Variants in WWOX observed in about 807,000 individuals in gnomAD.
WWOX encodes the protein WW domain-containing oxidoreductase.
In WWOX, 69 loss-of-function variants were observed where a neutral mutation model predicts 46.2. The ratio of observed to expected loss-of-function variants is 1.49; its 90% confidence interval spans 1.23 to 1.82. The LOEUF is 1.82. WWOX is among the 40% of genes most tolerant of loss of function. The probability of loss-of-function intolerance (pLI) is 0.00; values close to 1 mark genes in which losing one functional copy is unlikely to be tolerated. For missense variants in WWOX, 919 were observed against 542.6 expected (o/e 1.69, Z -6.89); for synonymous variants, 359 against 202.6 (o/e 1.77, Z -6.56).
chr16:79,106,319 G>C (rs1444471702), intron 8 of WWOX, among the ~76,000 whole-genome samples: 1 of 152,130 alleles, frequency 6.6e-6, no homozygotes, highest in African/African-American at 2.4e-5. Context: ...ACTTTTACCT[G>C]TGCTCACTCA....
rs941311575 is a variant in WWOX, at chr16:78,710,498, A to ATATATATATATATATATATT, written c.1056+277747_1056+277748insATATATATATATATATATTT. On this transcript the variant is annotated intron_variant, in intron 8 of 8. Transcript: ENST00000566780. ...CATATATATATATATATATATATAT[A>ATATATATATATATATATATT]TTTATATAAATATATTTTATATTTA... 2.2e-4 allele frequency among the ~76,000 whole-genome samples: 29 copies of ATATATATATATATATATATT among 132,796 alleles called. 1 individual carries two copies. The highest frequency in any genetic ancestry group is 6.3e-4 in the African/African-American group (22 of 34,914). 87.1% of individuals were successfully genotyped at this position (132,796 alleles called of 152,430 possible). A position where few individuals can be genotyped will look rare whatever the true frequency, so the allele number is the denominator to read the frequency against.
At position 78,347,505 on chromosome 16, in the gene WWOX, G is replaced by A. The variant is rs1172565751; in HGVS notation, c.517-39355G>A. On this transcript the variant is annotated intron_variant, in intron 5 of 8. Transcript: ENST00000566780. ...CCACATATCATTGCTATCCCTCCTC[G>A]ACACCCACACCTCTTGCATGTTCCT... Among the ~76,000 whole-genome samples the A allele has an allele frequency of 2.6e-5, 3 of 115,948 alleles. 1 individual carries two copies. The highest frequency in any genetic ancestry group is 4.1e-5 in the Non-Finnish European group (2 of 49,030). 76.1% of individuals were successfully genotyped at this position (115,948 alleles called of 152,430 possible). A position where few individuals can be genotyped will look rare whatever the true frequency, so the allele number is the denominator to read the frequency against.
At chr16:78,466,151 C>G (rs532840207) in intron 8 of WWOX, among the ~76,000 whole-genome samples, 2 of 152,116 alleles carry the variant, frequency 1.3e-5, no homozygotes, top group African/African-American at 4.8e-5. Context: ...CCTGCCTCAG[C>G]CTTCCTAGTA....
chr16:78,222,093 T>C (rs1266676696), intron 5 of WWOX, among the ~76,000 whole-genome samples: 2 of 152,110 alleles, frequency 1.3e-5, no homozygotes. Flanking sequence ...TGCACTGGTA[T>C]ATGGAGGATG....
chr16:78,802,631 A>T (rs1174033939), intron 8 of WWOX, among the ~76,000 whole-genome samples: 5 of 152,026 alleles, frequency 3.3e-5, no homozygotes, highest in Non-Finnish European at 7.4e-5. Context: ...TTAATGGTTG[A>T]ATGGCTGGCC....
intron 5 of WWOX, among the ~76,000 whole-genome samples, chr16:78,316,772 T>C (rs11641760): frequency 0.018 from 2,766 of 152,326 alleles, 29 homozygotes; most frequent in South Asian, 0.037. Context: ...AATTGCTTTC[T>C]TATGTTCCAT....
At chr16:78,399,940 G>A (rs2082373222) in intron 6 of WWOX, among the ~76,000 whole-genome samples, 1 of 152,154 alleles carries the variant, frequency 6.6e-6, no homozygotes, top group South Asian at 2.1e-4. Flanking sequence ...AATCAGCGGT[G>A]CTACACCGTG....
intron 8 of WWOX, among the ~76,000 whole-genome samples, chr16:78,822,096 A>G (rs1407858285): frequency 6.6e-6 from 1 of 152,110 alleles, no homozygotes; most frequent in Admixed American, 6.5e-5. Flanking sequence ...AGACTGACCT[A>G]AACTCCTGGC....
chr16:78,431,395 G>A (rs2083213722), intron 7 of WWOX, among the ~76,000 whole-genome samples: 1 of 152,128 alleles, frequency 6.6e-6, no homozygotes, highest in African/African-American at 2.4e-5. Flanking sequence ...GAGTCTTGGA[G>A]ACAACAAGAC....
intron 8 of WWOX, among the ~76,000 whole-genome samples, chr16:78,532,432 C>T (rs2043644910): frequency 1.3e-5 from 2 of 152,054 alleles, no homozygotes; most frequent in Non-Finnish European, 2.9e-5. Flanking sequence ...AGGCTCTCCC[C>T]TGAAGCTGAA....
Position 78,824,429 on chromosome 16 carries a change from T to G in WWOX, c.1057-387179T>G, listed in dbSNP as rs559538945. Among the ~76,000 whole-genome samples the G allele has an allele frequency of 3.9e-5, 6 of 152,332 alleles. No homozygotes were observed. In the East Asian group the frequency reaches 7.7e-4, roughly 20 times the overall value. On this transcript the variant is annotated intron_variant, in intron 8 of 8. Coordinates refer to ENST00000566780, the MANE Select transcript of WWOX (RefSeq NM_016373.4). ...CATTCCTCTAATCAATATGTATTGC[T>G]CACTTGGTACATGTCAGATACTTTC...
chr16:78,924,143 G>A (rs1210374750), intron 8 of WWOX, among the ~76,000 whole-genome samples: 1 of 152,080 alleles, frequency 6.6e-6, no homozygotes, highest in Non-Finnish European at 1.5e-5. Context: ...CCATAGACAA[G>A]GCTCTGGTTA....
chr16:79,081,254 C>T (rs2048755171), intron 8 of WWOX, among the ~76,000 whole-genome samples: 4 of 152,172 alleles, frequency 2.6e-5, no homozygotes, highest in Admixed American at 2.6e-4. Flanking sequence ...ACTTCTGCCT[C>T]CCGTGTTCAA....
intron 8 of WWOX, among the ~76,000 whole-genome samples, chr16:79,170,755 T>C (rs1194832000): frequency 2.6e-5 from 4 of 152,186 alleles, no homozygotes; most frequent in African/African-American, 9.7e-5. Context: ...TTTCTAAATT[T>C]AGAAGTTACA....
chr16:78,508,310 C>CTTTTTTTTTTTTTTTTTTTTTTT (rs60281450), intron 8 of WWOX, among the ~76,000 whole-genome samples: 4 of 112,768 alleles, frequency 3.5e-5, no homozygotes, highest in African/African-American at 1.7e-4. Flanking sequence ...TGCGCCCGGC[C>CTTTTTTTTTTTTTTTTTTTTTTT]TTTTTTTTTT....
chr16:78,563,109 T>G lies in WWOX; in HGVS notation c.1056+130357T>G, dbSNP rs557921204. ...ATACTAATCAGGTTTGAAAGTTGTC[T>G]TGTGAGGCTTTAAAAAGCTAGCCAA... is the stretch of plus-strand genomic sequence containing the variant. On this transcript the variant is annotated intron_variant, in intron 8 of 8. Transcript: ENST00000566780. 1.4e-4 allele frequency among the ~76,000 whole-genome samples: 22 copies of G among 152,288 alleles called. No homozygotes were observed. In the South Asian group the frequency reaches 4.4e-3, roughly 30 times the overall value.
chr16:78,318,550 C>T (rs569084318), intron 5 of WWOX, among the ~76,000 whole-genome samples: 19 of 152,162 alleles, frequency 1.2e-4, no homozygotes, highest in Non-Finnish European at 2.8e-4. Context: ...CATTTAGGCA[C>T]ACAGTACTTG....
intron 8 of WWOX, among the ~76,000 whole-genome samples, chr16:78,861,057 C>T (rs2043873749): frequency 6.6e-6 from 1 of 152,066 alleles, no homozygotes; most frequent in Non-Finnish European, 1.5e-5. Flanking sequence ...TGGGCTCAAG[C>T]AATGTGCTTG....
intron 8 of WWOX, among the ~76,000 whole-genome samples, chr16:78,975,991 CAA>C (rs2046565071): frequency 6.6e-6 from 1 of 152,202 alleles, no homozygotes; most frequent in Non-Finnish European, 1.5e-5. Flanking sequence ...GAAACCTTTG[CAA>C]AGTCTTTTTA....
Sources: allele counts gnomAD v4.1 joint callset (sites outside exome capture counted in the v4.1 genomes callset), GRCh38; gene constraint gnomAD v4.1.1; transcripts MANE v1.5; gene names NCBI Gene and HGNC (gene_info 2026-07-23, HGNC 2026-07-21).